The following SGCD variants were observed in gnomAD, a reference collection of about 807,000 sequenced individuals.
SGCD encodes the protein delta-sarcoglycan.
In SGCD, 18 loss-of-function variants were observed where a neutral mutation model predicts 36.6. That is an observed-to-expected ratio of 0.49 (90% CI 0.34 to 0.73). SGCD has a LOEUF of 0.73. Ranked by LOEUF, SGCD falls within the 30% of genes least tolerant of loss-of-function variation. The pLI, the probability that SGCD is intolerant of heterozygous loss-of-function variation, is 0.01. For synonymous variants in SGCD, 133 were observed against 130.6 expected, an observed-to-expected ratio of 1.02 and a Z score of -0.12; for missense variants, 387 against 346.7, an observed-to-expected ratio of 1.12 and a Z score of -0.92.
chr5:156,378,082 G>T (rs1415658853), intron 3 of SGCD, among the ~76,000 whole-genome samples: 1 of 152,172 alleles, frequency 6.6e-6, no homozygotes, highest in Non-Finnish European at 1.5e-5. Flanking sequence ...TCACTAGACA[G>T]AAGGTAGAGC....
chr5:156,607,886 G>T (rs183170452), intron 6 of SGCD, among the ~76,000 whole-genome samples: 2 of 152,230 alleles, frequency 1.3e-5, no homozygotes, highest in African/African-American at 4.8e-5. Context: ...TGGATCGGTG[G>T]TGATATCCCC....
chr5:155,809,543 T>C, the SGCD span, among the ~76,000 whole-genome samples: 8 of 152,102 alleles, frequency 5.3e-5, no homozygotes, highest in Non-Finnish European at 8.8e-5. Flanking sequence ...AATACCTGAA[T>C]GTGTGATCAA....
the SGCD span, among the ~76,000 whole-genome samples, chr5:155,731,307 TGAGAAAAGA>T: frequency 2.9e-4 from 42 of 143,626 alleles, no homozygotes; most frequent in African/African-American, 1.0e-3. Context: ...AAGAAGAGTG[TGAGAAAAGA>T]GAACAAAAAG....
intron 7 of SGCD, among the ~76,000 whole-genome samples, chr5:156,667,936 C>T (rs957841934): frequency 6.6e-6 from 1 of 152,152 alleles, no homozygotes; most frequent in South Asian, 2.1e-4. Context: ...AACTACTGTG[C>T]TTACATTTAC....
Position 156,504,444 on chromosome 5 carries a change from T to A in SGCD, c.193-4157T>A, listed in dbSNP as rs1295125274. Among the ~76,000 whole-genome samples the A allele has an allele frequency of 5.5e-5, 8 of 146,244 alleles. No individual in the cohort carries two copies. In the Admixed American group the frequency reaches 5.5e-4, roughly 10 times the overall value. ...TATATATGTCAATGTGTATATATAT[T>A]AAACAGTTATTTTTCAGTGGGCTCA... On this transcript the variant is annotated intron_variant, in intron 3 of 8. Transcript: ENST00000337851.
chr5:156,391,896 G>A (rs1771591767), intron 3 of SGCD, among the ~76,000 whole-genome samples: 1 of 152,336 alleles, frequency 6.6e-6, no homozygotes, highest in Middle Eastern at 3.4e-3. Flanking sequence ...CTTGGGAAAT[G>A]TTGCTGTGAT....
chr5:156,207,274 G>T (rs1022050366), intron 3 of SGCD, among the ~76,000 whole-genome samples: 4 of 152,080 alleles, frequency 2.6e-5, no homozygotes, highest in East Asian at 1.9e-4. Context: ...CATACAAGTT[G>T]TAATAGGAAA....
At chr5:155,912,153 T>C (rs1179893080) in intron 1 of SGCD, among the ~76,000 whole-genome samples, 3 of 152,110 alleles carry the variant, frequency 2.0e-5, no homozygotes, top group African/African-American at 7.2e-5. Context: ...AAGTGACTTG[T>C]GTGCTCTTGA....
At chr5:156,683,376 T>C (rs993530836) in intron 7 of SGCD, among the ~76,000 whole-genome samples, 2 of 152,322 alleles carry the variant, frequency 1.3e-5, no homozygotes, top group East Asian at 3.9e-4. Context: ...TCCTCTCTAT[T>C]TTATCCCCAG....
At chr5:156,656,225 T>C (rs986943228) in intron 7 of SGCD, among the ~76,000 whole-genome samples, 1 of 152,156 alleles carries the variant, frequency 6.6e-6, no homozygotes, top group Non-Finnish European at 1.5e-5. Context: ...TAAAGTAATT[T>C]TTAAAAACCC....
At chr5:156,159,955 C>A (rs1457719801) in intron 3 of SGCD, among the ~76,000 whole-genome samples, 1 of 151,542 alleles carries the variant, frequency 6.6e-6, no homozygotes, top group South Asian at 2.1e-4. Context: ...TTTCTTAAGT[C>A]CCATGGAAGA....
chr5:156,378,919 C>T (rs1269911451), intron 3 of SGCD, among the ~76,000 whole-genome samples: 1 of 152,032 alleles, frequency 6.6e-6, no homozygotes, highest in Non-Finnish European at 1.5e-5. Flanking sequence ...ATAAAATCAC[C>T]ATCCCAGATA....
the SGCD span, among the ~76,000 whole-genome samples, chr5:155,753,656 G>A: frequency 6.6e-6 from 1 of 152,286 alleles, no homozygotes; most frequent in Middle Eastern, 3.4e-3. Flanking sequence ...CACAGAGCAG[G>A]TGATGTTTAG....
chr5:156,709,378 C>T (rs1173115367), intron 7 of SGCD, among the ~76,000 whole-genome samples: 1 of 152,228 alleles, frequency 6.6e-6, no homozygotes, highest in Non-Finnish European at 1.5e-5. Flanking sequence ...TCCTTGTTCA[C>T]CTCCTCTCCA....
At chr5:156,696,716 AC>A (rs1754330664) in intron 7 of SGCD, among the ~76,000 whole-genome samples, 2 of 152,064 alleles carry the variant, frequency 1.3e-5, no homozygotes, top group African/African-American at 4.8e-5. Flanking sequence ...TGCCATGTTG[AC>A]CAAGCTGGTC....
the SGCD span, among the ~76,000 whole-genome samples, chr5:155,809,930 T>C: frequency 6.6e-6 from 1 of 152,312 alleles, no homozygotes; most frequent in Admixed American, 6.5e-5. Context: ...GTGGCCTCAG[T>C]TGTCTCTTGT....
At chr5:156,225,390 G>A (rs1184273712) in intron 3 of SGCD, among the ~76,000 whole-genome samples, 2 of 152,028 alleles carry the variant, frequency 1.3e-5, no homozygotes, top group Non-Finnish European at 2.9e-5. Context: ...ACTTTTATGA[G>A]CACAACTGAT....
intron 3 of SGCD, among the ~76,000 whole-genome samples, chr5:156,171,503 G>C (rs1763347492): frequency 6.6e-6 from 1 of 152,110 alleles, no homozygotes. Flanking sequence ...TTGAATCTTG[G>C]AACACAAGGA....
At chr5:155,901,872 A>G (rs1353923398) in intron 1 of SGCD, among the ~76,000 whole-genome samples, 2 of 152,194 alleles carry the variant, frequency 1.3e-5, no homozygotes, top group African/African-American at 2.4e-5. Flanking sequence ...TCCCCACTTC[A>G]TAGATCAAGA....
Sources: allele counts gnomAD v4.1 joint callset (sites outside exome capture counted in the v4.1 genomes callset), GRCh38; gene constraint gnomAD v4.1.1; transcripts MANE v1.5; gene names NCBI Gene and HGNC (gene_info 2026-07-23, HGNC 2026-07-21).